RNF217: variants seen among roughly 807,000 people sequenced by gnomAD.
RNF217 encodes the protein E3 ubiquitin-protein ligase RNF217.
RNF217 carries 31 observed loss-of-function variants against 57.8 expected under a neutral mutation model. The observed-to-expected ratio is 0.54, with a 90% CI of 0.40 to 0.72. The LOEUF is 0.72. Among genes scored for constraint, RNF217 ranks in the 30% least tolerant of loss-of-function variants. RNF217 has a pLI of 0.00. For missense variants in RNF217, 696 were observed against 708.3 expected, an observed-to-expected ratio of 0.98 and a Z score of 0.20; for synonymous variants, 313 against 294.0, an observed-to-expected ratio of 1.06 and a Z score of -0.66.
intron 1 of RNF217, among the ~76,000 whole-genome samples, chr6:124,992,032 T>C (rs1784579374): frequency 6.6e-6 from 1 of 152,194 alleles, no homozygotes; most frequent in Non-Finnish European, 1.5e-5. Flanking sequence ...GTATTCCTTC[T>C]CATATAAATG....
intron 2 of RNF217, among the ~76,000 whole-genome samples, chr6:125,048,944 T>G (rs1318643299): frequency 6.6e-6 from 1 of 152,020 alleles, no homozygotes. Context: ...ATTGAGAGAT[T>G]TACATTCAGA....
intron 3 of RNF217, among the ~76,000 whole-genome samples, chr6:125,069,027 T>C (rs1788039874): frequency 6.6e-6 from 1 of 152,128 alleles, no homozygotes; most frequent in Admixed American, 6.6e-5. Context: ...GGAAGTGGTG[T>C]GGTAAAGAAG....
rs550126432 is a variant in RNF217, at chr6:124,963,232, G to C, written c.688G>C (p.Ala230Pro). The C allele has an allele frequency of 6.5e-7, 1 of 1,536,040 alleles. No individual in the cohort carries two copies. The highest frequency in any genetic ancestry group is 8.7e-7 in the Non-Finnish European group (1 of 1,146,878). Reference sequence around the variant, plus strand: ...CAGCATCGAGCTGGAGTTCTACCTGGCGCCCGAGCCGTTCTCCATGCCCAG... The same window carrying C: ...CAGCATCGAGCTGGAGTTCTACCTGCCGCCCGAGCCGTTCTCCATGCCCAG... Reference protein sequence around the residue: ...GGSIELEFYLAPEPFSMPSLL... With the variant: ...GGSIELEFYLPPEPFSMPSLL... Residue 230 changes from alanine to proline, a missense_variant, in exon 1 of 6, where the codon GCG becomes CCG. By Grantham distance (27) the Ala-to-Pro change is conservative. This residue lies in a region of RNF217 where 465 missense variants were observed against 386.8 expected (regional missense o/e 1.20). Transcript: ENST00000521654.
chr6:125,042,066 C>T (rs1185636384), intron 1 of RNF217, among the ~76,000 whole-genome samples: 9 of 152,108 alleles, frequency 5.9e-5, no homozygotes, highest in African/African-American at 1.9e-4. Context: ...CTGTACTTCA[C>T]TTAATCATAA....
At chr6:125,041,639 T>C (rs899170805) in intron 1 of RNF217, among the ~76,000 whole-genome samples, 2 of 152,114 alleles carry the variant, frequency 1.3e-5, no homozygotes, top group Non-Finnish European at 2.9e-5. Flanking sequence ...TTCCCCATGT[T>C]CTCTGCATAA....
At chr6:125,023,057 T>G (rs1183303229) in intron 1 of RNF217, among the ~76,000 whole-genome samples, 1 of 152,082 alleles carries the variant, frequency 6.6e-6, no homozygotes, top group African/African-American at 2.4e-5. Flanking sequence ...AACAAACAAT[T>G]TTGCTAGAAT....
intron 4 of RNF217, among the ~76,000 whole-genome samples, chr6:125,078,009 T>C (rs1243667825): frequency 6.6e-6 from 1 of 152,212 alleles, no homozygotes; most frequent in African/African-American, 2.4e-5. Context: ...GCCGTCATTT[T>C]CTAAAATCTA....
chr6:124,994,603 A>T (rs999779013), intron 1 of RNF217, among the ~76,000 whole-genome samples: 2 of 152,120 alleles, frequency 1.3e-5, no homozygotes, highest in African/African-American at 4.8e-5. Flanking sequence ...GGAGAAAAAA[A>T]AGTTAGTTAC....
At position 124,987,370 on chromosome 6, in the gene RNF217, A is replaced by G. The variant is rs144257879; in HGVS notation, c.882+23944A>G. On this transcript the variant is annotated intron_variant, in intron 1 of 5. Coordinates refer to ENST00000521654, the MANE Select transcript of RNF217 (RefSeq NM_001286398.3). The stretch of plus-strand genomic sequence containing the variant: ...AGAAATCCCATACCCATTATTCATC[A>G]TTCCCTGCCCTCACCCCAGGCCTCC... Among the ~76,000 whole-genome samples, 428 of 152,230 alleles carry G rather than the reference A, an allele frequency of 2.8e-3. 2 individuals are homozygous for G. The highest frequency in any genetic ancestry group is 9.7e-3 in the African/African-American group (405 of 41,548).
At chr6:125,055,079 A>G (rs1787472810) in intron 2 of RNF217, among the ~76,000 whole-genome samples, 1 of 152,180 alleles carries the variant, frequency 6.6e-6, no homozygotes, top group Non-Finnish European at 1.5e-5. Flanking sequence ...TAAGTTCAAA[A>G]TGAATGAGGC....
chr6:125,015,027 AACATTGCC>A (rs1473807519), intron 1 of RNF217, among the ~76,000 whole-genome samples: 1 of 152,160 alleles, frequency 6.6e-6, no homozygotes, highest in Non-Finnish European at 1.5e-5. Flanking sequence ...GAAAGCCAGC[AACATTGCC>A]ATTTAGCTAC....
At chr6:125,082,437 T>G in intron 5 of RNF217, 1 of 1,590,594 alleles carries the variant, frequency 6.3e-7, no homozygotes, top group South Asian at 1.1e-5. Flanking sequence ...TATTATTATC[T>G]GTATTATACA....
rs1051921452 is a variant in RNF217, at chr6:125,016,190, G to A, written c.883-29021G>A. On this transcript the variant is annotated intron_variant, in intron 1 of 5. Transcript: ENST00000521654. ...ACTTAATAACTGCTAGAGGCATATG[G>A]TTCTTTCATTATTCTTTGTACTTTT... Among the ~76,000 whole-genome samples, 14 of 152,102 alleles carry A rather than the reference G, an allele frequency of 9.2e-5. 1 individual carries two copies. The highest frequency in any genetic ancestry group is 3.4e-4 in the African/African-American group (14 of 41,432).
intron 1 of RNF217, among the ~76,000 whole-genome samples, chr6:125,027,667 C>T (rs1433461477): frequency 1.3e-5 from 2 of 152,130 alleles, no homozygotes; most frequent in African/African-American, 4.8e-5. Flanking sequence ...TGGGTATATA[C>T]CCAGCAGTGG....
rs1262972824 is a variant in RNF217, at chr6:125,046,476, C to A, written c.1116+1032C>A. Reference sequence around the variant, plus strand: ...CCATGACACACCAGTGCCCCAGGCCCACCCCAGAACAATTGTCTTCCAAAT... The same window carrying A: ...CCATGACACACCAGTGCCCCAGGCCAACCCCAGAACAATTGTCTTCCAAAT... On this transcript the variant is annotated intron_variant, in intron 2 of 5. Transcript: ENST00000521654. 6.5e-5 allele frequency: 27 copies of A among 412,968 alleles called. 1 individual carries two copies. Among genetic ancestry groups the A allele is most frequent in the South Asian group, 4.8e-4 (27 of 55,686 alleles). 25.6% of individuals were successfully genotyped at this position (412,968 alleles called of 1,614,324 possible). A position where few individuals can be genotyped will look rare whatever the true frequency, so the allele number is the denominator to read the frequency against.
intron 1 of RNF217, among the ~76,000 whole-genome samples, chr6:124,984,885 A>G (rs1364283823): frequency 1.3e-5 from 2 of 152,206 alleles, no homozygotes; most frequent in African/African-American, 4.8e-5. Context: ...ACAAAAGACA[A>G]TTCACATCTG....
intron 1 of RNF217, among the ~76,000 whole-genome samples, chr6:124,994,570 A>T (rs1784677268): frequency 6.6e-6 from 1 of 152,284 alleles, no homozygotes; most frequent in South Asian, 2.1e-4. Context: ...TCCCATACAC[A>T]GCTGCTTTGC....
chr6:125,045,557 G>A, intron 2 of RNF217, 113 bp downstream of exon 2: 1 of 709,586 alleles, frequency 1.4e-6, no homozygotes, highest in East Asian at 2.7e-5. Flanking sequence ...AGCTGAAGGT[G>A]AGCATATATT....
chr6:124,986,154 C>G (rs1271098176), intron 1 of RNF217, among the ~76,000 whole-genome samples: 2 of 152,194 alleles, frequency 1.3e-5, no homozygotes, highest in East Asian at 3.9e-4. Flanking sequence ...CTCAATTACC[C>G]TTCCAAGTAT....
Sources: allele counts gnomAD v4.1 joint callset (sites outside exome capture counted in the v4.1 genomes callset), GRCh38; gene constraint gnomAD v4.1.1; regional missense constraint gnomAD v4.1.1; transcripts MANE v1.5; gene names NCBI Gene and HGNC (gene_info 2026-07-23, HGNC 2026-07-21).